SLC35F1: variants seen among roughly 807,000 people sequenced by gnomAD.
SLC35F1 encodes chromosome 6 open reading frame 169.
A neutral mutation model predicts 48.7 loss-of-function variants in SLC35F1; 14 were observed. The observed-to-expected ratio is 0.29, with a 90% CI of 0.19 to 0.45. The LOEUF (loss-of-function observed/expected upper bound fraction) is 0.45. SLC35F1 is among the 20% of genes least tolerant of loss of function. The pLI is 1.00. For missense variants in SLC35F1, 404 were observed against 500.0 expected, an observed-to-expected ratio of 0.81 and a Z score of 1.83; for synonymous variants, 190 against 202.2, an observed-to-expected ratio of 0.94 and a Z score of 0.51.
intron 1 of SLC35F1, among the ~76,000 whole-genome samples, chr6:118,047,080 C>T (rs1476841317): frequency 6.6e-6 from 1 of 152,080 alleles, no homozygotes; most frequent in East Asian, 1.9e-4. Context: ...CAATAATTAT[C>T]ACACACCTTT....
chr6:118,079,789 T>TC (rs1772878227), intron 1 of SLC35F1, among the ~76,000 whole-genome samples: 1 of 152,178 alleles, frequency 6.6e-6, no homozygotes, highest in East Asian at 1.9e-4. Context: ...CCCTAACCTC[T>TC]CTGGTTTGAG....
At chr6:118,258,987 T>G (rs1443083533) in intron 3 of SLC35F1, among the ~76,000 whole-genome samples, 2 of 151,844 alleles carry the variant, frequency 1.3e-5, no homozygotes, top group African/African-American at 4.8e-5. Context: ...AGAAGAAGTT[T>G]TTTTAAAATG....
chr6:117,950,622 T>C (rs1776352393), intron 1 of SLC35F1, among the ~76,000 whole-genome samples: 1 of 152,168 alleles, frequency 6.6e-6, no homozygotes, highest in East Asian at 1.9e-4. Flanking sequence ...GCTCTGGCTA[T>C]TGACTTACTT....
intron 1 of SLC35F1, among the ~76,000 whole-genome samples, chr6:118,150,372 T>C (rs1774037708): frequency 6.6e-6 from 1 of 152,158 alleles, no homozygotes; most frequent in Non-Finnish European, 1.5e-5. Context: ...TTTGCATGCA[T>C]AGTGTGTGAC....
At chr6:117,958,889 A>G (rs1582585775) in intron 1 of SLC35F1, among the ~76,000 whole-genome samples, 4 of 152,346 alleles carry the variant, frequency 2.6e-5, no homozygotes. Context: ...GTGAAAGACT[A>G]TAGTAAAATA....
At chr6:118,066,843 T>C (rs1473059389) in intron 1 of SLC35F1, among the ~76,000 whole-genome samples, 1 of 150,538 alleles carries the variant, frequency 6.6e-6, no homozygotes, top group African/African-American at 2.4e-5. Context: ...TAAAATTTGG[T>C]AGCATGAAAC....
Position 118,259,491 on chromosome 6 carries a change from A to G in SLC35F1, c.478-7504A>G, listed in dbSNP as rs571867387. On this transcript the variant is annotated intron_variant, in intron 3 of 7. Coordinates refer to ENST00000360388, the MANE Select transcript of SLC35F1 (RefSeq NM_001029858.4). ...AGAACAGGAACAAATAAAATCATCA[A>G]AAATACAAAAATGATTAAAATAGTA... 5.5e-4 allele frequency among the ~76,000 whole-genome samples: 83 copies of G among 152,216 alleles called. No homozygotes were observed. In the Middle Eastern group the frequency reaches 0.014, roughly 25 times the overall value.
chr6:118,139,114 C>G (rs1330035599), intron 1 of SLC35F1, among the ~76,000 whole-genome samples: 1 of 151,100 alleles, frequency 6.6e-6, no homozygotes, highest in Non-Finnish European at 1.5e-5. Flanking sequence ...AAACTGTCTT[C>G]TTTTTTTTTG....
intron 1 of SLC35F1, among the ~76,000 whole-genome samples, chr6:117,918,398 A>G (rs1360351525): frequency 6.6e-6 from 1 of 152,148 alleles, no homozygotes; most frequent in Non-Finnish European, 1.5e-5. Context: ...CACTGTCCAT[A>G]GTACAGAGGA....
intron 1 of SLC35F1, among the ~76,000 whole-genome samples, chr6:118,049,399 A>G (rs932540168): frequency 1.3e-5 from 2 of 152,202 alleles, no homozygotes; most frequent in Non-Finnish European, 2.9e-5. Context: ...CTGCACAGCA[A>G]AAGAAACTAC....
intron 1 of SLC35F1, among the ~76,000 whole-genome samples, chr6:117,936,317 C>T (rs1447806411): frequency 2.0e-5 from 3 of 151,520 alleles, no homozygotes; most frequent in African/African-American, 7.3e-5. Flanking sequence ...GATGCTTCTG[C>T]TATTGCTGTT....
chr6:118,278,728 C>T (rs1347374361), intron 6 of SLC35F1, among the ~76,000 whole-genome samples: 11 of 152,342 alleles, frequency 7.2e-5, no homozygotes, highest in African/African-American at 2.6e-4. Flanking sequence ...TTGCATGTTA[C>T]AGAAAGCATT....
intron 7 of SLC35F1, among the ~76,000 whole-genome samples, chr6:118,286,059 A>G (rs948150144): frequency 3.9e-5 from 6 of 152,200 alleles, no homozygotes; most frequent in African/African-American, 1.4e-4. Flanking sequence ...ATAACAATCA[A>G]TTAGAATTGA....
intron 1 of SLC35F1, among the ~76,000 whole-genome samples, chr6:118,138,220 A>C (rs1441665826): frequency 6.6e-6 from 1 of 151,866 alleles, no homozygotes; most frequent in Non-Finnish European, 1.5e-5. Context: ...GAGGTGGAGG[A>C]TCACTTGAGC....
intron 1 of SLC35F1, among the ~76,000 whole-genome samples, chr6:118,064,296 G>A (rs1466854157): frequency 6.6e-6 from 1 of 152,156 alleles, no homozygotes; most frequent in Non-Finnish European, 1.5e-5. Flanking sequence ...TTTGGGTGGG[G>A]ACACAGCCAA....
chr6:118,204,165 A>G (rs1459735516), intron 2 of SLC35F1, among the ~76,000 whole-genome samples: 1 of 151,868 alleles, frequency 6.6e-6, no homozygotes. Flanking sequence ...AGTCATGGGG[A>G]CAGCCAGGGA....
intron 6 of SLC35F1, among the ~76,000 whole-genome samples, chr6:118,282,322 T>C (rs556366705): frequency 2.8e-4 from 42 of 152,344 alleles, no homozygotes; most frequent in African/African-American, 9.4e-4. Context: ...ATGCTTTGCT[T>C]GGGAAACAGT....
chr6:118,062,336 T>C lies in SLC35F1; in HGVS notation c.174-92109T>C, dbSNP rs184603482. Among the ~76,000 whole-genome samples the C allele has an allele frequency of 3.2e-4, 48 of 152,336 alleles. No individual in the cohort carries two copies. In the East Asian group the frequency reaches 8.3e-3, roughly 26 times the overall value. On this transcript the variant is annotated intron_variant, in intron 1 of 7. Coordinates refer to ENST00000360388, the MANE Select transcript of SLC35F1 (RefSeq NM_001029858.4). ...ACTTTTAAAATGCCTTGTATTTGCA[T>C]CTATTTCAAATTATTTCTTTTTTAT...
chr6:118,145,259 C>T (rs181155570), intron 1 of SLC35F1, among the ~76,000 whole-genome samples: 1 of 152,278 alleles, frequency 6.6e-6, no homozygotes, highest in African/African-American at 2.4e-5. Context: ...ATGAGTGACT[C>T]TTTTAAGGTA....
Sources: gnomAD v4.1 joint callset for allele counts (sites outside exome capture counted in the v4.1 genomes callset) on GRCh38, gnomAD v4.1.1 for gene constraint, MANE v1.5 for transcripts, NCBI Gene and HGNC (gene_info 2026-07-23, HGNC 2026-07-21) for gene names.